The following NR6A1 variants were observed in gnomAD, a reference collection of about 807,000 sequenced individuals.
The protein encoded by NR6A1 is retinoic acid receptor-related testis-associated receptor.
In NR6A1, 7 loss-of-function variants were observed where a neutral mutation model predicts 59.1. The observed-to-expected ratio is 0.12, with a 90% CI of 0.07 to 0.22. The LOEUF is 0.22. Ranked by LOEUF, NR6A1 falls within the 10% of genes least tolerant of loss-of-function variation. NR6A1 has a pLI of 1.00. For synonymous variants in NR6A1, 243 were observed against 236.1 expected, an observed-to-expected ratio of 1.03 and a Z score of -0.27; for missense variants, 468 against 611.6, an observed-to-expected ratio of 0.77 and a Z score of 2.48.
At chr9:124,540,256 C>T (rs958809267) in intron 4 of NR6A1, 69 bp from the exon 5 acceptor site, 2 of 1,484,732 alleles carry the variant, frequency 1.3e-6, no homozygotes. Flanking sequence ...GGACTGAGAG[C>T]TTATTTAAAT....
intron 2 of NR6A1, among the ~76,000 whole-genome samples, chr9:124,627,882 CTTTTTTTT>C (rs59874800): frequency 1.3e-3 from 113 of 83,778 alleles, no homozygotes; most frequent in African/African-American, 3.5e-3. Context: ...CTGAGATTTT[CTTTTTTTT>C]TTTTTTTTTT....
chr9:124,690,170 C>A (rs1056798784), intron 2 of NR6A1, among the ~76,000 whole-genome samples: 1 of 152,148 alleles, frequency 6.6e-6, no homozygotes, highest in South Asian at 2.1e-4. Flanking sequence ...CCTAGGCAGA[C>A]GGCACCTGAG....
At position 124,675,694 on chromosome 9, in the gene NR6A1, T is replaced by C. The variant is rs558335507; in HGVS notation, c.142+57614A>G. Among the ~76,000 whole-genome samples, 90 of 152,262 alleles carry C rather than the reference T, an allele frequency of 5.9e-4. 1 individual carries two copies. In the South Asian group the frequency reaches 0.018, roughly 31 times the overall value. The stretch of plus-strand genomic sequence containing the variant: ...GGCCCTAGTGTGTAATTCTTTCTGC[T>C]CAACAAAGGAGGCAGTCTAGAATCT... On this transcript the variant is annotated intron_variant, in intron 2 of 9. Transcript: ENST00000487099.
At chr9:124,581,579 A>C (rs888002178) in intron 2 of NR6A1, among the ~76,000 whole-genome samples, 2 of 152,304 alleles carry the variant, frequency 1.3e-5, no homozygotes, top group African/African-American at 4.8e-5. Flanking sequence ...AGACAGAGCA[A>C]GACTCCGTCT....
chr9:124,673,862 G>C (rs1837872922), intron 2 of NR6A1, among the ~76,000 whole-genome samples: 1 of 152,148 alleles, frequency 6.6e-6, no homozygotes, highest in Non-Finnish European at 1.5e-5. Flanking sequence ...TAAGGATGAG[G>C]AACAAGATTT....
chr9:124,618,662 G>A (rs1835970624), intron 2 of NR6A1, among the ~76,000 whole-genome samples: 1 of 152,094 alleles, frequency 6.6e-6, no homozygotes, highest in African/African-American at 2.4e-5. Context: ...TGGGCCACTC[G>A]ATATTTCAGC....
chr9:124,761,822 T>TACCC (rs1323217920), intron 1 of NR6A1, among the ~76,000 whole-genome samples: 1 of 152,240 alleles, frequency 6.6e-6, no homozygotes, highest in Admixed American at 6.5e-5. Flanking sequence ...AATGTAAGTC[T>TACCC]ACCCTTGGTG....
chr9:124,699,432 C>A (rs1838868077), intron 2 of NR6A1, among the ~76,000 whole-genome samples: 1 of 152,200 alleles, frequency 6.6e-6, no homozygotes, highest in Admixed American at 6.5e-5. Flanking sequence ...ACCTCCCAAA[C>A]AAGAAGTTGC....
chr9:124,576,874 T>C (rs548487871), intron 2 of NR6A1, among the ~76,000 whole-genome samples: 1 of 152,134 alleles, frequency 6.6e-6, no homozygotes, highest in East Asian at 1.9e-4. Context: ...TTGGGCAACA[T>C]AGGGAGACGC....
chr9:124,735,704 G>A (rs907322516), intron 1 of NR6A1, among the ~76,000 whole-genome samples: 1 of 152,186 alleles, frequency 6.6e-6, no homozygotes, highest in Non-Finnish European at 1.5e-5. Context: ...GAGATGCCAG[G>A]TGTCTTAGTC....
At chr9:124,526,318 T>TG (rs2131321537) in intron 8 of NR6A1, among the ~76,000 whole-genome samples, 1 of 147,642 alleles carries the variant, frequency 6.8e-6, no homozygotes, top group East Asian at 2.0e-4. Context: ...GTGTGTGTGT[T>TG]TGTGCACCCC....
At chr9:124,652,904 AGAGG>A (rs1231594874) in intron 2 of NR6A1, among the ~76,000 whole-genome samples, 1 of 152,224 alleles carries the variant, frequency 6.6e-6, no homozygotes. Context: ...TCTGCCCCAG[AGAGG>A]GACCAACAAC....
At chr9:124,619,420 C>T (rs955780185) in intron 2 of NR6A1, among the ~76,000 whole-genome samples, 15 of 152,074 alleles carry the variant, frequency 9.9e-5, no homozygotes, top group African/African-American at 3.6e-4. Flanking sequence ...CCTGCCACCA[C>T]ACCTGACTAA....
At chr9:124,664,136 A>C (rs141615915) in intron 2 of NR6A1, among the ~76,000 whole-genome samples, 18 of 152,338 alleles carry the variant, frequency 1.2e-4, no homozygotes, top group Middle Eastern at 6.8e-3. Flanking sequence ...TTCCTACTAC[A>C]TCTGTGGATT....
At chr9:124,534,292 C>T (rs954611043) in intron 7 of NR6A1, among the ~76,000 whole-genome samples, 9 of 152,066 alleles carry the variant, frequency 5.9e-5, no homozygotes, top group African/African-American at 2.2e-4. Context: ...AGGCTGGTCT[C>T]GAACTCCCAA....
intron 1 of NR6A1, among the ~76,000 whole-genome samples, chr9:124,751,123 A>G (rs375506586): frequency 2.6e-5 from 4 of 152,246 alleles, no homozygotes; most frequent in Non-Finnish European, 4.4e-5. Context: ...TGCTGCATGT[A>G]ATTATCACAC....
intron 1 of NR6A1, among the ~76,000 whole-genome samples, chr9:124,759,607 C>T (rs1345473107): frequency 1.3e-5 from 2 of 152,214 alleles, no homozygotes; most frequent in Admixed American, 6.5e-5. Flanking sequence ...AACACCAATT[C>T]TCAGTGCTTA....
At chr9:124,656,039 C>T (rs1837248432) in intron 2 of NR6A1, among the ~76,000 whole-genome samples, 1 of 152,152 alleles carries the variant, frequency 6.6e-6, no homozygotes. Context: ...GTCATGAAGG[C>T]AGATCCCTCA....
At chr9:124,707,622 C>G (rs1351506593) in intron 2 of NR6A1, among the ~76,000 whole-genome samples, 1 of 151,708 alleles carries the variant, frequency 6.6e-6, no homozygotes, top group Non-Finnish European at 1.5e-5. Flanking sequence ...TTTGGCAACT[C>G]TGGATTCTGA....
Sources: allele counts gnomAD v4.1 joint callset (sites outside exome capture counted in the v4.1 genomes callset), GRCh38; gene constraint gnomAD v4.1.1; transcripts MANE v1.5; gene names NCBI Gene and HGNC (gene_info 2026-07-23, HGNC 2026-07-21).